The following CACNA1B variants were observed in gnomAD, a reference collection of about 807,000 sequenced individuals.
CACNA1B encodes voltage-dependent N-type calcium channel subunit alpha-1B.
A neutral mutation model predicts 247.2 loss-of-function variants in CACNA1B; 70 were observed. The observed-to-expected ratio is 0.28, with a 90% CI of 0.23 to 0.35. The LOEUF is 0.35. Ranked by LOEUF, CACNA1B falls within the 10% of genes least tolerant of loss-of-function variation. CACNA1B has a pLI of 1.00. For missense variants in CACNA1B, 2,367 were observed against 3,197.4 expected (o/e 0.74, Z 6.26); for synonymous variants, 1,231 against 1,294.4 (o/e 0.95, Z 1.05).
intron 20 of CACNA1B, among the ~76,000 whole-genome samples, chr9:138,033,749 A>C (rs1375602952): frequency 6.6e-6 from 1 of 152,198 alleles, no homozygotes; most frequent in Admixed American, 6.5e-5. Context: ...GAGTGAGCGC[A>C]AGACACTTAA....
At chr9:138,070,870 A>G (rs1222901645) in intron 32 of CACNA1B, among the ~76,000 whole-genome samples, 3 of 152,230 alleles carry the variant, frequency 2.0e-5, no homozygotes, top group African/African-American at 7.2e-5. Flanking sequence ...CATTAGAATG[A>G]AAGGGAGCCA....
intron 3 of CACNA1B, among the ~76,000 whole-genome samples, chr9:137,896,160 A>C (rs1957169860): frequency 6.7e-6 from 1 of 150,264 alleles, no homozygotes; most frequent in Non-Finnish European, 1.5e-5. Flanking sequence ...AATGGCGTGA[A>C]CCTGGGTGGC....
chr9:138,087,384 C>CAAAAAAAAAAAAAAAAAAAAA (rs58566171), intron 36 of CACNA1B, among the ~76,000 whole-genome samples: 6 of 52,650 alleles, frequency 1.1e-4, no homozygotes, highest in African/African-American at 3.2e-4. Context: ...GACTCTGTCT[C>CAAAAAAAAAAAAAAAAAAAAA]AAAAAAAAAA....
intron 6 of CACNA1B, among the ~76,000 whole-genome samples, chr9:137,924,273 TA>T: frequency 6.6e-6 from 1 of 152,192 alleles, no homozygotes; most frequent in East Asian, 1.9e-4. Flanking sequence ...TTTAGGTTAA[TA>T]AAAGTGTGAG....
At chr9:138,061,696 C>T (rs749107365) in intron 31 of CACNA1B, among the ~76,000 whole-genome samples, 8 of 152,156 alleles carry the variant, frequency 5.3e-5, no homozygotes, top group African/African-American at 9.7e-5. Flanking sequence ...AGTGCCGGCA[C>T]GGTACTGCAC....
intron 36 of CACNA1B, among the ~76,000 whole-genome samples, chr9:138,095,617 G>T (rs1184401357): frequency 6.6e-6 from 1 of 152,094 alleles, no homozygotes; most frequent in South Asian, 2.1e-4. Flanking sequence ...TCACTCCTAG[G>T]TATATACCCA....
At chr9:137,960,917 A>G (rs1958014311) in intron 10 of CACNA1B, among the ~76,000 whole-genome samples, 1 of 151,872 alleles carries the variant, frequency 6.6e-6, no homozygotes, top group African/African-American at 2.4e-5. Flanking sequence ...TTGGGGTGAG[A>G]TGATATCTCA....
At chr9:137,908,172 A>T (rs1179221322) in intron 3 of CACNA1B, among the ~76,000 whole-genome samples, 1 of 152,200 alleles carries the variant, frequency 6.6e-6, no homozygotes, top group African/African-American at 2.4e-5. Flanking sequence ...GGATGTAAAG[A>T]TGAGCTTGTT....
At chr9:138,044,128 G>C (rs559744049) in intron 21 of CACNA1B, among the ~76,000 whole-genome samples, 1 of 152,236 alleles carries the variant, frequency 6.6e-6, no homozygotes, top group Non-Finnish European at 1.5e-5. Flanking sequence ...CCAGGCCTGG[G>C]CTCCTCACCT....
At position 137,952,151 on chromosome 9, in the gene CACNA1B, A is replaced by G; in HGVS notation, c.967-123A>G. The G allele has an allele frequency of 1.4e-6, 1 of 721,314 alleles. No individual in the cohort carries two copies. Among genetic ancestry groups the G allele is most frequent in the Non-Finnish European group, 2.4e-6 (1 of 408,772 alleles). The allele number at this position is 721,314 out of a possible 1,614,324, so 44.7% of individuals were successfully genotyped here. On this transcript the variant is annotated intron_variant, in intron 6 of 46. Transcript: ENST00000371372. The surrounding 1 kb of genome is among the most constrained non-coding windows in gnomAD (Gnocchi z 4.8). Reference sequence around the variant, plus strand: ...GGACCTCCCTGTGACTGGCCTCCCCACTGCCTGGACCCTACCAGGTGTGTG... The same window carrying G: ...GGACCTCCCTGTGACTGGCCTCCCCGCTGCCTGGACCCTACCAGGTGTGTG...
chr9:137,926,319 C>T lies in CACNA1B; in HGVS notation c.966+8888C>T, dbSNP rs149391271. Among the ~76,000 whole-genome samples the T allele has an allele frequency of 4.3e-3, 659 of 152,298 alleles. 5 individuals are homozygous for T. Among genetic ancestry groups the T allele is most frequent in the African/African-American group, 0.015 (636 of 41,564 alleles). On this transcript the variant is annotated intron_variant, in intron 6 of 46. Transcript: ENST00000371372. ...TCCTGACCTCGTGATCCACCTGCCT[C>T]AGCCTCCCAAAGTGCTGGGATTACA...
chr9:138,106,551 C>T (rs903944203), intron 39 of CACNA1B, among the ~76,000 whole-genome samples: 6 of 152,168 alleles, frequency 3.9e-5, no homozygotes, highest in African/African-American at 1.4e-4. Context: ...GGGCGGATCA[C>T]GAGGTCAGGA....
intron 5 of CACNA1B, among the ~76,000 whole-genome samples, chr9:137,916,622 A>C (rs1204991083): frequency 6.6e-6 from 1 of 152,216 alleles, no homozygotes; most frequent in Non-Finnish European, 1.5e-5. Context: ...CAGACTGCAC[A>C]GTGGCTGAGT....
chr9:138,047,547 A>AT (rs1959194696), intron 23 of CACNA1B, 89 bp downstream of exon 23: 2 of 881,932 alleles, frequency 2.3e-6, no homozygotes, highest in South Asian at 2.8e-5. Flanking sequence ...TTGAACCACA[A>AT]TTTCTATAAA....
chr9:137,897,518 T>G (rs1041777887), intron 3 of CACNA1B, among the ~76,000 whole-genome samples: 5 of 152,158 alleles, frequency 3.3e-5, no homozygotes, highest in Middle Eastern at 3.4e-3. Flanking sequence ...AGGTAGAGGT[T>G]GCGATGAGCC....
chr9:138,050,314 G>A lies in CACNA1B; in HGVS notation c.3710+999G>A, dbSNP rs1367712890. Reference sequence around the variant, plus strand: ...ATGGTCAGCCCTTGGTGAGGAGCTTGCTGGTGAGCAGGCTGTCACCAGCGA... The same window carrying A: ...ATGGTCAGCCCTTGGTGAGGAGCTTACTGGTGAGCAGGCTGTCACCAGCGA... On this transcript the variant is annotated intron_variant, in intron 24 of 46. Coordinates refer to ENST00000371372, the MANE Select transcript of CACNA1B (RefSeq NM_000718.4). The surrounding 1 kb of genome is among the most constrained non-coding windows in gnomAD (Gnocchi z 5.2). 1.3e-5 allele frequency among the ~76,000 whole-genome samples: 2 copies of A among 152,206 alleles called. No homozygotes were observed. The highest frequency in any genetic ancestry group is 2.9e-5 in the Non-Finnish European group (2 of 68,042).
chr9:137,904,977 C>T (rs1957281463), intron 3 of CACNA1B, among the ~76,000 whole-genome samples: 2 of 151,994 alleles, frequency 1.3e-5, no homozygotes, highest in Non-Finnish European at 2.9e-5. Flanking sequence ...GGATTTTGTG[C>T]GTAGAAAATA....
chr9:137,940,905 G>T (rs141400635), intron 6 of CACNA1B, among the ~76,000 whole-genome samples: 1 of 152,094 alleles, frequency 6.6e-6, no homozygotes, highest in East Asian at 1.9e-4. Flanking sequence ...GCATACACAG[G>T]ACATACCTCA....
chr9:137,886,743 G>C (rs1401848385), intron 3 of CACNA1B, among the ~76,000 whole-genome samples: 1 of 152,040 alleles, frequency 6.6e-6, no homozygotes, highest in Non-Finnish European at 1.5e-5. Context: ...GTGATGAGTT[G>C]CGGCATGGGC....
Sources: gnomAD v4.1 joint callset for allele counts (sites outside exome capture counted in the v4.1 genomes callset) on GRCh38, gnomAD v4.1.1 for gene constraint, Gnocchi (gnomAD v3.1) non-coding constraint, MANE v1.5 for transcripts, NCBI Gene and HGNC (gene_info 2026-07-23, HGNC 2026-07-21) for gene names.